The following SORCS2 variants were observed in gnomAD, a reference collection of about 807,000 sequenced individuals.
SORCS2 encodes the protein sortilin related VPS10 domain containing receptor 2, also known as VPS10 domain-containing receptor SorCS2.
Under a neutral mutation model 141.6 loss-of-function variants are expected in SORCS2, and 100 were observed. That is an observed-to-expected ratio of 0.71 (90% CI 0.60 to 0.83). SORCS2 has a LOEUF of 0.83. Among genes scored for constraint, SORCS2 ranks in the 40% least tolerant of loss-of-function variants. The probability of loss-of-function intolerance (pLI) is 0.00; values close to 1 mark genes in which losing one functional copy is unlikely to be tolerated. For missense variants in SORCS2, 1,646 were observed against 1,560.2 expected (o/e 1.05, Z -0.93); for synonymous variants, 789 against 676.9 (o/e 1.17, Z -2.57).
chr4:7,733,362 T>C lies in SORCS2; in HGVS notation c.3149T>C (p.Ile1050Thr), dbSNP rs749036718. 15 of 1,582,168 alleles carry C rather than the reference T, an allele frequency of 9.5e-6. No individual in the cohort carries two copies. In the Admixed American group the frequency reaches 2.7e-4, roughly 29 times the overall value. Residue 1050 changes from isoleucine to threonine, a missense_variant, in exon 24 of 27, where the codon ATC becomes ACC. By Grantham distance (89) the Ile-to-Thr change is moderately conservative (BLOSUM62 -1). Coordinates refer to ENST00000507866, the MANE Select transcript of SORCS2 (RefSeq NM_020777.3). ...AIQQVLNAQK[I>T]SFLLRGGVRV... ...CAGCAGGTGCTGAACGCACAGAAGA[T>C]CAGCTTCCTCCTGCGAGGCGGAGTC...
At chr4:7,603,159 G>A (rs946721771) in intron 3 of SORCS2, among the ~76,000 whole-genome samples, 5 of 151,696 alleles carry the variant, frequency 3.3e-5, no homozygotes, top group Admixed American at 6.6e-5. Context: ...GAGAGAGAGG[G>A]AGAGGGAGAC....
chr4:7,703,012 G>A (rs548158673), intron 12 of SORCS2, among the ~76,000 whole-genome samples: 10 of 152,342 alleles, frequency 6.6e-5, no homozygotes, highest in South Asian at 4.1e-4. Flanking sequence ...AGAGGGCTGC[G>A]TGCTGTGCTC....
At chr4:7,596,128 C>T (rs1227432617) in intron 3 of SORCS2, among the ~76,000 whole-genome samples, 1 of 152,132 alleles carries the variant, frequency 6.6e-6, no homozygotes, top group African/African-American at 2.4e-5. Flanking sequence ...CTGCTGCTAT[C>T]GGAAGACATA....
At chr4:7,241,066 C>T (rs1248028312) in intron 1 of SORCS2, among the ~76,000 whole-genome samples, 1 of 152,198 alleles carries the variant, frequency 6.6e-6, no homozygotes, top group African/African-American at 2.4e-5. Flanking sequence ...TCCCGAGTAG[C>T]TGGGATTACA....
At chr4:7,716,370 C>A (rs886101188) in intron 17 of SORCS2, among the ~76,000 whole-genome samples, 24 of 152,128 alleles carry the variant, frequency 1.6e-4, no homozygotes, top group African/African-American at 5.6e-4. Flanking sequence ...CATTTATCCA[C>A]CCATCATCCA....
intron 1 of SORCS2, among the ~76,000 whole-genome samples, chr4:7,384,491 G>T (rs930449722): frequency 6.6e-6 from 1 of 152,288 alleles, no homozygotes; most frequent in East Asian, 1.9e-4. Flanking sequence ...GGAAGGAGAC[G>T]GGGTTAAGGT....
chr4:7,504,221 T>C (rs1207947797), intron 2 of SORCS2, among the ~76,000 whole-genome samples: 1 of 152,204 alleles, frequency 6.6e-6, no homozygotes, highest in African/African-American at 2.4e-5. Flanking sequence ...CCTTTTCTCC[T>C]GTGCGTACAA....
intron 3 of SORCS2, among the ~76,000 whole-genome samples, chr4:7,553,291 T>G (rs1713856834): frequency 1.3e-5 from 2 of 152,148 alleles, no homozygotes; most frequent in Non-Finnish European, 2.9e-5. Context: ...TTCTGATTTT[T>G]TTTCTTTAAT....
intron 2 of SORCS2, among the ~76,000 whole-genome samples, chr4:7,515,445 A>G (rs1361639244): frequency 6.6e-6 from 1 of 152,138 alleles, no homozygotes; most frequent in Non-Finnish European, 1.5e-5. Flanking sequence ...GCCTTGGGCA[A>G]GCTGGTACCT....
chr4:7,210,110 C>G (rs939262193), intron 1 of SORCS2, among the ~76,000 whole-genome samples: 3 of 152,192 alleles, frequency 2.0e-5, no homozygotes, highest in Non-Finnish European at 4.4e-5. Context: ...CAGGGAGGGT[C>G]TCTCAGAGGA....
intron 3 of SORCS2, among the ~76,000 whole-genome samples, chr4:7,561,262 C>T (rs756828712): frequency 6.6e-6 from 1 of 152,114 alleles, no homozygotes; most frequent in African/African-American, 2.4e-5. Flanking sequence ...TCACTTTTAT[C>T]TATTGGATCT....
intron 1 of SORCS2, among the ~76,000 whole-genome samples, chr4:7,267,587 T>C (rs139480677): frequency 0.034 from 5,174 of 152,158 alleles, 279 homozygotes; most frequent in African/African-American, 0.12. Flanking sequence ...TCCCAGCACT[T>C]TGGGAGGCTG....
intron 1 of SORCS2, among the ~76,000 whole-genome samples, chr4:7,300,560 G>A (rs1175455692): frequency 1.3e-5 from 2 of 152,192 alleles, no homozygotes; most frequent in Non-Finnish European, 2.9e-5. Flanking sequence ...CAACGTGCAC[G>A]CGTTGACACA....
chr4:7,278,223 A>T (rs1715636971), intron 1 of SORCS2, among the ~76,000 whole-genome samples: 1 of 152,166 alleles, frequency 6.6e-6, no homozygotes, highest in South Asian at 2.1e-4. Context: ...GAGGAGCTGC[A>T]TGGGCATCAC....
At chr4:7,588,389 G>A (rs1038546599) in intron 3 of SORCS2, among the ~76,000 whole-genome samples, 4 of 152,182 alleles carry the variant, frequency 2.6e-5, no homozygotes, top group South Asian at 2.1e-4. Context: ...GTGTCCTCTT[G>A]TAATTGGAAA....
chr4:7,714,034 C>G (rs1399010359), intron 15 of SORCS2, among the ~76,000 whole-genome samples: 1 of 152,206 alleles, frequency 6.6e-6, no homozygotes, highest in South Asian at 2.1e-4. Flanking sequence ...ACAGGAGGGG[C>G]TCAGTGAATG....
At chr4:7,696,990 G>C (rs1416746104) in intron 11 of SORCS2, among the ~76,000 whole-genome samples, 1 of 152,190 alleles carries the variant, frequency 6.6e-6, no homozygotes, top group Non-Finnish European at 1.5e-5. Context: ...GGAGTCCCCT[G>C]AATGTGGCTG....
At chr4:7,455,055 GAT>G (rs1384629754) in intron 2 of SORCS2, among the ~76,000 whole-genome samples, 8 of 95,810 alleles carry the variant, frequency 8.3e-5, no homozygotes, top group African/African-American at 1.1e-4. Flanking sequence ...GTTGGGGTCA[GAT>G]GCTGTGTTGG....
chr4:7,277,327 C>T (rs1715567680), intron 1 of SORCS2, among the ~76,000 whole-genome samples: 1 of 152,192 alleles, frequency 6.6e-6, no homozygotes, highest in Non-Finnish European at 1.5e-5. Flanking sequence ...TCATCCCTAT[C>T]CCCAGCTCGC....
Sources: gnomAD v4.1 joint callset for allele counts (sites outside exome capture counted in the v4.1 genomes callset) on GRCh38, gnomAD v4.1.1 for gene constraint, MANE v1.5 for transcripts, NCBI Gene and HGNC (gene_info 2026-07-23, HGNC 2026-07-21) for gene names.